USP14: variants seen among roughly 807,000 people sequenced by gnomAD.
USP14 encodes ubiquitin carboxyl-terminal hydrolase 14.
USP14 carries 38 observed loss-of-function variants against 76.5 expected under a neutral mutation model. That is an observed-to-expected ratio of 0.50 (90% CI 0.38 to 0.65). USP14 has a LOEUF of 0.65. USP14 is among the 30% of genes least tolerant of loss of function. The pLI, the probability that USP14 is intolerant of heterozygous loss-of-function variation, is 0.00. For missense variants in USP14, 467 were observed against 586.5 expected (o/e 0.80, Z 2.10); for synonymous variants, 192 against 191.7 (o/e 1.00, Z -0.01).
intron 6 of USP14, chr18:196,427 G>A (rs1405330648): frequency 1.9e-5 from 7 of 377,300 alleles, no homozygotes; most frequent in Admixed American, 8.6e-5. Flanking sequence ...TGGAGGCTGA[G>A]GCAGGAGAAT....
At chr18:193,323 A>G (rs951697065) in intron 6 of USP14, among the ~76,000 whole-genome samples, 1 of 152,182 alleles carries the variant, frequency 6.6e-6, no homozygotes, top group Non-Finnish European at 1.5e-5. Flanking sequence ...TCTTCATTGC[A>G]TAAGAGAATA....
intron 13 of USP14, among the ~76,000 whole-genome samples, chr18:208,603 A>G (rs532961136): frequency 6.6e-6 from 1 of 151,976 alleles, no homozygotes; most frequent in South Asian, 2.1e-4. Flanking sequence ...TGTTCCTTGT[A>G]TTTTTAAAAA....
At chr18:203,812 G>A (rs970240285) in intron 12 of USP14, among the ~76,000 whole-genome samples, 10 of 151,914 alleles carry the variant, frequency 6.6e-5, no homozygotes, top group African/African-American at 1.9e-4. Context: ...GGGTTTCACC[G>A]TGGTCTCAAT....
chr18:200,861 G>C (rs1014705260), intron 10 of USP14, among the ~76,000 whole-genome samples: 5 of 152,190 alleles, frequency 3.3e-5, no homozygotes, highest in Non-Finnish European at 4.4e-5. Context: ...GAGTGCAGTG[G>C]CACAATCTCG....
At chr18:160,972 G>A (rs1203952647) in intron 1 of USP14, among the ~76,000 whole-genome samples, 2 of 151,994 alleles carry the variant, frequency 1.3e-5, no homozygotes, top group Non-Finnish European at 2.9e-5. Flanking sequence ...TTGTTGCCCA[G>A]TCTGGAGTGC....
intron 15 of USP14, 94 bp downstream of exon 15, chr18:210,587 C>A: frequency 1.2e-6 from 1 of 829,998 alleles, no homozygotes; most frequent in Non-Finnish European, 1.8e-6. Context: ...CTTTGGGTCT[C>A]AGAACCACTT....
chr18:185,325 AT>A (rs377542849), intron 5 of USP14, among the ~76,000 whole-genome samples: 16 of 151,990 alleles, frequency 1.1e-4, no homozygotes, highest in African/African-American at 3.9e-4. Flanking sequence ...TGCCTGACTA[AT>A]TTTTGTATTT....
chr18:159,718 A>G (rs2144200985), intron 1 of USP14, among the ~76,000 whole-genome samples: 1 of 152,316 alleles, frequency 6.6e-6, no homozygotes, highest in African/African-American at 2.4e-5. Flanking sequence ...TGGCTCTTGA[A>G]ATATTCTAAT....
intron 5 of USP14, among the ~76,000 whole-genome samples, chr18:182,893 G>C (rs1909823877): frequency 6.6e-6 from 1 of 152,198 alleles, no homozygotes; most frequent in Non-Finnish European, 1.5e-5. Context: ...ATAGATGGGA[G>C]ATTAGCAGGG....
chr18:202,747 A>G (rs1179061562), intron 10 of USP14, 133 bp from the exon 11 acceptor site: 4 of 740,916 alleles, frequency 5.4e-6, no homozygotes, highest in Admixed American at 2.7e-5. Context: ...TCTCAGTGGT[A>G]TAAACCCATT....
intron 6 of USP14, among the ~76,000 whole-genome samples, chr18:195,047 CCTT>C (rs1373808636): frequency 2.1e-5 from 3 of 144,686 alleles, no homozygotes; most frequent in Non-Finnish European, 4.6e-5. Context: ...TTTTTTTTTT[CCTT>C]CTTCAGGATT....
chr18:214,488 T>G lies in USP14; in HGVS notation c.*3204T>G. 1 of 721,264 alleles carries G rather than the reference T, an allele frequency of 1.4e-6. No homozygotes were observed. The highest frequency in any genetic ancestry group is 2.2e-6 in the Non-Finnish European group (1 of 449,020). 44.7% of individuals were successfully genotyped at this position (721,264 alleles called of 1,614,324 possible). ...TGGTTTGAGCCAATATGTGTTCTAT[T>G]GTTCTCAGAGCACCAGCCGACTGTA... is the stretch of plus-strand genomic sequence containing the variant. On this transcript the variant is annotated 3_prime_UTR_variant, in exon 16 of 16. Transcript: ENST00000261601.
At chr18:201,233 C>G (rs1478788581) in intron 10 of USP14, among the ~76,000 whole-genome samples, 6 of 152,170 alleles carry the variant, frequency 3.9e-5, no homozygotes. Context: ...TTTAAAAATC[C>G]TGGTTGATCC....
chr18:179,675 C>T (rs1321236138), intron 4 of USP14, among the ~76,000 whole-genome samples: 1 of 147,754 alleles, frequency 6.8e-6, no homozygotes. Flanking sequence ...GTAACCTCAA[C>T]TTCCTGGGTT....
intron 10 of USP14, 49 bp downstream of exon 10, chr18:199,365 C>T (rs758628021): frequency 4.5e-6 from 6 of 1,334,020 alleles, no homozygotes; most frequent in Middle Eastern, 1.8e-4. Context: ...TCCATGTTTG[C>T]GAGTAAGCCA....
chr18:174,609 CTTT>C (rs112640574), intron 3 of USP14, among the ~76,000 whole-genome samples: 33 of 134,766 alleles, frequency 2.4e-4, no homozygotes, highest in African/African-American at 5.0e-4. Context: ...ACTTTTCTTT[CTTT>C]TTTTTTTTTT....
At chr18:200,437 C>T (rs1248501371) in intron 10 of USP14, among the ~76,000 whole-genome samples, 5 of 152,154 alleles carry the variant, frequency 3.3e-5, no homozygotes, top group Non-Finnish European at 5.9e-5. Flanking sequence ...GGCATGTAGT[C>T]GTTCTGCCAT....
intron 7 of USP14, among the ~76,000 whole-genome samples, chr18:197,255 T>G (rs986550093): frequency 1.3e-5 from 2 of 152,378 alleles, no homozygotes; most frequent in Middle Eastern, 3.4e-3. Context: ...GGCCAAAGCC[T>G]TAGGCTTTCC....
At chr18:171,899 CTTGAG>C (rs1020042815) in intron 3 of USP14, among the ~76,000 whole-genome samples, 2 of 152,118 alleles carry the variant, frequency 1.3e-5, no homozygotes, top group African/African-American at 4.8e-5. Context: ...GAGTTCAAAA[CTTGAG>C]TTGAGGATAC....
Sources: allele counts gnomAD v4.1 joint callset (sites outside exome capture counted in the v4.1 genomes callset), GRCh38; gene constraint gnomAD v4.1.1; transcripts MANE v1.5; gene names NCBI Gene and HGNC (gene_info 2026-07-23, HGNC 2026-07-21).